The following PTGER4 variants were observed in gnomAD, a reference collection of about 807,000 sequenced individuals.
The protein encoded by PTGER4 is prostaglandin E receptor 4.
In PTGER4, 11 loss-of-function variants were observed where a neutral mutation model predicts 33.2. The observed-to-expected ratio is 0.33, with a 90% confidence interval of 0.21 to 0.55. The LOEUF (loss-of-function observed/expected upper bound fraction) is 0.55, where lower values mean the gene tolerates loss of function less well. Among genes scored for constraint, PTGER4 ranks in the 20% least tolerant of loss-of-function variants. The probability of loss-of-function intolerance (pLI) is 0.92; values close to 1 mark genes in which losing one functional copy is unlikely to be tolerated. For synonymous variants in PTGER4, 275 were observed against 281.5 expected, an observed-to-expected ratio of 0.98 and a Z score of 0.23; for missense variants, 481 against 650.2, an observed-to-expected ratio of 0.74 and a Z score of 2.83.
the PTGER4 span, among the ~76,000 whole-genome samples, chr5:40,741,671 C>G: frequency 1.3e-5 from 2 of 152,102 alleles, no homozygotes; most frequent in African/African-American, 4.8e-5. Flanking sequence ...TGCCCATTCC[C>G]TGGAGACTAC....
the PTGER4 span, among the ~76,000 whole-genome samples, chr5:40,706,076 T>A: frequency 6.6e-6 from 1 of 152,114 alleles, no homozygotes; most frequent in African/African-American, 2.4e-5. Flanking sequence ...GGAATCAACC[T>A]AAAGGCACAT....
chr5:40,709,386 A>T, the PTGER4 span, among the ~76,000 whole-genome samples: 1 of 152,204 alleles, frequency 6.6e-6, no homozygotes, highest in Non-Finnish European at 1.5e-5. Context: ...TTATACACCA[A>T]TAACAGACAA....
chr5:40,715,422 A>G, the PTGER4 span: 2 of 152,416 alleles, frequency 1.3e-5, no homozygotes, highest in Non-Finnish European at 2.9e-5. Flanking sequence ...CATTTGTGGT[A>G]AGGATTACTT....
chr5:40,735,395 G>T, the PTGER4 span, among the ~76,000 whole-genome samples: 1 of 152,100 alleles, frequency 6.6e-6, no homozygotes, highest in Non-Finnish European at 1.5e-5. Flanking sequence ...GAGGAAAAAA[G>T]ATTTACAACA....
At chr5:40,737,990 A>T in the PTGER4 span, among the ~76,000 whole-genome samples, 1 of 152,226 alleles carries the variant, frequency 6.6e-6, no homozygotes, top group Non-Finnish European at 1.5e-5. Context: ...CAGTTCATGG[A>T]CACTATTAAT....
the PTGER4 span, among the ~76,000 whole-genome samples, chr5:40,730,906 A>G: frequency 6.6e-6 from 1 of 152,146 alleles, no homozygotes; most frequent in South Asian, 2.1e-4. Context: ...ATTATTTATA[A>G]TAATAATAAA....
At chr5:40,716,432 G>A in the PTGER4 span, 2 of 1,613,756 alleles carry the variant, frequency 1.2e-6, no homozygotes, top group African/African-American at 1.3e-5. Context: ...GCCCAAGAGA[G>A]GTCTTCTTTC....
At chr5:40,694,073 CAG>C (rs1338869417), downstream of PTGER4, among the ~76,000 whole-genome samples, 1 of 151,894 alleles carries the variant, frequency 6.6e-6, no homozygotes, top group Non-Finnish European at 1.5e-5. Flanking sequence ...ATTTTTGAGA[CAG>C]AGTCTTGCTC....
Position 40,691,921 on chromosome 5 carries a change from T to A in PTGER4, c.1010T>A (p.Leu337His). 6.2e-7 allele frequency: 1 copy of A among 1,614,254 alleles called. No individual in the cohort carries two copies. The highest frequency in any genetic ancestry group is 8.5e-7 in the Non-Finnish European group (1 of 1,180,034). Residue 337 changes from leucine (L) to histidine (H), a missense_variant, in exon 3 of 3, where the codon CTC becomes CAC. This residue lies in a region of PTGER4 where 172 missense variants were observed against 199.2 expected (regional missense o/e 0.86). Transcript: ENST00000302472. This position sits in a 1 kb window ranked among gnomAD's most constrained non-coding sequence, Gnocchi z 4.2. ...WIYILLRKTV[L>H]SKAIEKIKCL... ...TATATCCTCCTGAGAAAGACAGTGC[T>A]CAGTAAAGCAATAGAGAAGATCAAA...
the PTGER4 span, among the ~76,000 whole-genome samples, chr5:40,739,984 T>TC: frequency 6.6e-6 from 1 of 152,174 alleles, no homozygotes; most frequent in Non-Finnish European, 1.5e-5. Context: ...TTATTTTACA[T>TC]CCATTATTGG....
In PTGER4 at chr5:40,691,736, T is replaced by C. The variant is rs746123765; in HGVS notation, c.868-43T>C. On this transcript the variant is annotated intron_variant, in intron 2 of 2. Transcript: ENST00000302472. The surrounding 1 kb of genome is among the most constrained non-coding windows in gnomAD (Gnocchi z 4.2). ...ACATAGCATTTATATGTTTTCCCAATTGATTAATGATGAAATCTAAATGTG... is the reference window on the plus strand; with the variant it reads ...ACATAGCATTTATATGTTTTCCCAACTGATTAATGATGAAATCTAAATGTG... 3.8e-6 allele frequency: 6 copies of C among 1,569,096 alleles called. No homozygotes were observed. The highest frequency in any genetic ancestry group is 1.2e-5 in the South Asian group (1 of 82,894).
At chr5:40,690,139 A>G (rs1741433083) in intron 2 of PTGER4, among the ~76,000 whole-genome samples, 2 of 152,162 alleles carry the variant, frequency 1.3e-5, no homozygotes, top group African/African-American at 4.8e-5. Context: ...CAAGAGTTAG[A>G]GACCAGCCTG....
chr5:40,730,155 T>A, the PTGER4 span: 6 of 824,966 alleles, frequency 7.3e-6, no homozygotes, highest in Non-Finnish European at 1.1e-5. Context: ...GAAACCGTAT[T>A]TGTAAAAGAA....
the PTGER4 span, among the ~76,000 whole-genome samples, chr5:40,739,341 G>A: frequency 2.0e-5 from 3 of 152,098 alleles, no homozygotes; most frequent in Admixed American, 6.5e-5. Context: ...GATCAATTTC[G>A]GGAGAACTGA....
the PTGER4 span, among the ~76,000 whole-genome samples, chr5:40,743,917 G>A: frequency 6.6e-6 from 1 of 152,170 alleles, no homozygotes; most frequent in Non-Finnish European, 1.5e-5. Flanking sequence ...TTAGTGAAAT[G>A]ACTCAATGTT....
At chr5:40,712,026 TC>T in the PTGER4 span, among the ~76,000 whole-genome samples, 1 of 152,094 alleles carries the variant, frequency 6.6e-6, no homozygotes, top group Non-Finnish European at 1.5e-5. Flanking sequence ...GTCAAAACTC[TC>T]CCAACTATAA....
chr5:40,711,803 A>G, the PTGER4 span, among the ~76,000 whole-genome samples: 3 of 152,132 alleles, frequency 2.0e-5, no homozygotes, highest in Admixed American at 2.0e-4. Flanking sequence ...GTCAGACACA[A>G]AAAGAGTGCA....
At chr5:40,739,169 CTTAAA>C in the PTGER4 span, among the ~76,000 whole-genome samples, 1 of 152,118 alleles carries the variant, frequency 6.6e-6, no homozygotes, top group Admixed American at 6.6e-5. Flanking sequence ...CAGTTAAGGA[CTTAAA>C]TTAAGTAATA....
In PTGER4 at chr5:40,680,288, T is replaced by A. The variant is rs534705476; in HGVS notation, c.-234T>A. 6.5e-6 allele frequency: 1 copy of A among 152,684 alleles called. No individual in the cohort carries two copies. The highest frequency in any genetic ancestry group is 1.9e-4 in the East Asian group (1 of 5,334). 9.5% of individuals were successfully genotyped at this position (152,684 alleles called of 1,614,324 possible). ...CCCGCTGCACCTCTTGTTTCCCAAG[T>A]TTTTGAAAGCTGGCAACTCTGACCT... is the stretch of plus-strand genomic sequence containing the variant. On this transcript the variant is annotated 5_prime_UTR_variant, in exon 1 of 3. Transcript: ENST00000302472. The surrounding 1 kb of genome is among the most constrained non-coding windows in gnomAD (Gnocchi z 5.5).
Sources: allele counts gnomAD v4.1 joint callset (sites outside exome capture counted in the v4.1 genomes callset), GRCh38; gene constraint gnomAD v4.1.1; regional missense constraint gnomAD v4.1.1; non-coding constraint Gnocchi (gnomAD v3.1); transcripts MANE v1.5; gene names NCBI Gene and HGNC (gene_info 2026-07-23, HGNC 2026-07-21).